Variants in ZNF333 observed in about 807,000 individuals in gnomAD.
ZNF333 encodes the protein zinc finger protein 333.
ZNF333 carries 61 observed loss-of-function variants against 76.1 expected under a neutral mutation model. The ratio of observed to expected loss-of-function variants is 0.80; its 90% CI spans 0.65 to 0.99. The LOEUF (loss-of-function observed/expected upper bound fraction) is 0.99, where lower values mean the gene tolerates loss of function less well. Ranked by LOEUF, ZNF333 falls within the 50% of genes least tolerant of loss-of-function variation. The pLI, the probability that ZNF333 is intolerant of heterozygous loss-of-function variation, is 0.00. For missense variants in ZNF333, 717 were observed against 822.4 expected (o/e 0.87, Z 1.57); for synonymous variants, 284 against 305.0 (o/e 0.93, Z 0.72).
chr19:14,709,897 A>T (rs1012406623), intron 7 of ZNF333, among the ~76,000 whole-genome samples: 1 of 152,238 alleles, frequency 6.6e-6, no homozygotes, highest in Non-Finnish European at 1.5e-5. Flanking sequence ...GACATTGCCA[A>T]ATGTCCCCTG....
At chr19:14,694,463 A>G (rs553444364) in intron 2 of ZNF333, among the ~76,000 whole-genome samples, 1 of 117,218 alleles carries the variant, frequency 8.5e-6, no homozygotes, top group Admixed American at 8.8e-5. Flanking sequence ...ACAGAGCAAG[A>G]CTGTCTCAAA....
exon 12 of ZNF333, chr19:14,731,663 GT>G (rs1200309048): frequency 1.3e-5 from 2 of 154,286 alleles, no homozygotes; most frequent in Non-Finnish European, 2.9e-5. Context: ...CGTATTTCAT[GT>G]TTCAAACTGG....
At chr19:14,693,995 A>T (rs997816173) in intron 2 of ZNF333, among the ~76,000 whole-genome samples, 1 of 151,690 alleles carries the variant, frequency 6.6e-6, no homozygotes, top group East Asian at 1.9e-4. Flanking sequence ...AAAAAAAAAA[A>T]AAAAAAAAAA....
intron 2 of ZNF333, among the ~76,000 whole-genome samples, chr19:14,694,575 C>T (rs1172323264): frequency 6.6e-6 from 1 of 152,168 alleles, no homozygotes; most frequent in Non-Finnish European, 1.5e-5. Flanking sequence ...CCAGGGACTT[C>T]ACAGAAATTA....
At chr19:14,694,723 G>T (rs1973046316) in intron 2 of ZNF333, among the ~76,000 whole-genome samples, 1 of 144,180 alleles carries the variant, frequency 6.9e-6, no homozygotes, top group Non-Finnish European at 1.5e-5. Flanking sequence ...TACACTTTAG[G>T]ATTTATCCAA....
chr19:14,715,814 G>A (rs2042412802), intron 8 of ZNF333, among the ~76,000 whole-genome samples: 1 of 152,222 alleles, frequency 6.6e-6, no homozygotes, highest in African/African-American at 2.4e-5. Context: ...GGAGCTAGAA[G>A]GGGGACAAAT....
chr19:14,731,139 T>C (rs1020224329), intron 11 of ZNF333: 1 of 1,530,766 alleles, frequency 6.5e-7, no homozygotes, highest in African/African-American at 1.4e-5. Context: ...TCTCTTCTCT[T>C]TCCCTCATTC....
At chr19:14,728,981 G>A (rs1374508660) in intron 11 of ZNF333, among the ~76,000 whole-genome samples, 3 of 152,204 alleles carry the variant, frequency 2.0e-5, no homozygotes, top group Non-Finnish European at 1.5e-5. Context: ...AATAAAGAAG[G>A]GGGAAGGGGA....
intron 5 of ZNF333, chr19:14,701,543 C>T (rs1340565150): frequency 2.0e-6 from 2 of 983,074 alleles, no homozygotes; most frequent in Non-Finnish European, 2.4e-6. Flanking sequence ...AAGGCATCTC[C>T]AGTTCCCATC....
chr19:14,717,757 A>G (rs1050384317), intron 11 of ZNF333, 24 bp downstream of exon 11: 2 of 1,599,416 alleles, frequency 1.3e-6, no homozygotes, highest in Non-Finnish European at 8.6e-7. Flanking sequence ...GGGATTATTC[A>G]TGGTTCTCTA....
Position 14,702,851 on chromosome 19 carries a change from C to T in ZNF333, c.307-2203C>T, listed in dbSNP as rs1000766168. ...TGGCGGCAGGGGACGCAAACACATC[C>T]TTCACATGGTGGGCAGCAAGGAGAA... On this transcript the variant is annotated intron_variant, in intron 5 of 11. Transcript: ENST00000292530. 5.9e-5 allele frequency among the ~76,000 whole-genome samples: 9 copies of T among 152,182 alleles called. 1 individual carries two copies. The highest frequency in any genetic ancestry group is 1.3e-4 in the Non-Finnish European group (9 of 68,038).
chr19:14,718,960 C>A lies in ZNF333; in HGVS notation c.1633C>A (p.Arg545Ser). Reference sequence around the variant, plus strand: ...CGCGACTTGCGGTCAGGTCTTGAGTCGTCTTTCAACCCTGAAGAGTCACAT... The same window carrying A: ...CGCGACTTGCGGTCAGGTCTTGAGTAGTCTTTCAACCCTGAAGAGTCACAT... ...ECATCGQVLS[R>S]LSTLKSHMRT... The change falls in exon 12 of 12, where the codon CGT (arginine) becomes AGT (serine). Residue 545 changes from arginine (R) to serine (S), a missense_variant. Coordinates refer to ENST00000292530, the MANE Select transcript of ZNF333 (RefSeq NM_032433.4). The A allele has an allele frequency of 6.2e-7, 1 of 1,613,826 alleles. No individual in the cohort carries two copies.
At chr19:14,708,216 C>G (rs910747128) in intron 7 of ZNF333, 1 of 391,454 alleles carries the variant, frequency 2.6e-6, no homozygotes. Flanking sequence ...CCATGTTGGC[C>G]AAGCTGGTCT....
In ZNF333 at chr19:14,717,045, A is replaced by G; in HGVS notation, c.779A>G (p.Glu260Gly). ...TTGTCTTATTTGGAAGAAAGAGGAG[A>G]GCAGTGGACCACTGACAGGGGCGTC... Reference protein sequence around the residue: ...NALSYLEERGEQWTTDRGVLS... With the variant: ...NALSYLEERGGQWTTDRGVLS... Residue 260 changes from glutamate to glycine, a missense_variant, in exon 10 of 12, where the codon GAG (glutamate) becomes GGG (glycine). Physicochemically the swap from Glu to Gly is moderately conservative, Grantham distance 98. Coordinates refer to ENST00000292530, the MANE Select transcript of ZNF333 (RefSeq NM_032433.4). 1 of 1,611,860 alleles carries G rather than the reference A, an allele frequency of 6.2e-7. No homozygotes were observed. Among genetic ancestry groups the G allele is most frequent in the Non-Finnish European group, 8.5e-7 (1 of 1,178,914 alleles).
intron 6 of ZNF333, chr19:14,706,368 C>T: frequency 2.5e-6 from 1 of 403,748 alleles, no homozygotes; most frequent in South Asian, 2.1e-5. Context: ...CTCCATCTTC[C>T]CTCCACCCCT....
chr19:14,733,520 G>C (rs936411314), exon 12 of ZNF333: 4 of 152,060 alleles, frequency 2.6e-5, no homozygotes, highest in Admixed American at 2.6e-4. Flanking sequence ...GCAGACTTGG[G>C]GGGTATGCCT....
rs1196944171 is a variant in ZNF333 at position 14,703,225 on chromosome 19, A to G, written c.307-1829A>G. On this transcript the variant is annotated intron_variant, in intron 5 of 11. Transcript: ENST00000292530. ...CTCAAAAAAAAAAAAAAAAAAAACC[A>G]TCAGATCTTGTGAGAACTCACTCAC... Among the ~76,000 whole-genome samples, 5 of 142,210 alleles carry G rather than the reference A, an allele frequency of 3.5e-5. No individual in the cohort carries two copies. The East Asian group carries it at 1.0e-3, about 29-fold the overall frequency. 93.3% of individuals were successfully genotyped at this position (142,210 alleles called of 152,430 possible). A position where few individuals can be genotyped will look rare whatever the true frequency, so the allele number is the denominator to read the frequency against.
chr19:14,692,884 A>T (rs3893728), intron 1 of ZNF333, among the ~76,000 whole-genome samples: 6 of 150,168 alleles, frequency 4.0e-5, no homozygotes, highest in Non-Finnish European at 4.4e-5. Context: ...ATGCCGTGGC[A>T]CGATCTCAGT....
intron 1 of ZNF333, among the ~76,000 whole-genome samples, chr19:14,690,355 G>C (rs1972669634): frequency 6.6e-6 from 1 of 152,204 alleles, no homozygotes; most frequent in Non-Finnish European, 1.5e-5. Flanking sequence ...CCCCCCGTCC[G>C]GGCAGACAGG....
Sources: gnomAD v4.1 joint callset for allele counts (sites outside exome capture counted in the v4.1 genomes callset) on GRCh38, gnomAD v4.1.1 for gene constraint, MANE v1.5 for transcripts, NCBI Gene and HGNC (gene_info 2026-07-23, HGNC 2026-07-21) for gene names.